FBXO11: variants seen among roughly 807,000 people sequenced by gnomAD.
The protein encoded by FBXO11 is F-box only protein 11.
In FBXO11, 13 loss-of-function variants were observed where a neutral mutation model predicts 117.0. That is an observed-to-expected ratio of 0.11 (90% CI 0.07 to 0.18). The LOEUF (loss-of-function observed/expected upper bound fraction) is 0.18. Ranked by LOEUF, FBXO11 falls within the 10% of genes least tolerant of loss-of-function variation. The pLI is 1.00. For synonymous variants in FBXO11, 490 were observed against 380.5 expected, an observed-to-expected ratio of 1.29 and a Z score of -3.35; for missense variants, 767 against 1,164.4, an observed-to-expected ratio of 0.66 and a Z score of 4.97.
intron 1 of FBXO11, chr2:47,883,762 C>A: frequency 3.8e-6 from 1 of 260,784 alleles, no homozygotes; most frequent in East Asian, 1.0e-4. Flanking sequence ...CCTTAAATAC[C>A]ATAAGGTGTA....
intron 1 of FBXO11, among the ~76,000 whole-genome samples, chr2:47,882,569 C>A (rs1237228937): frequency 6.6e-6 from 1 of 152,146 alleles, no homozygotes; most frequent in Non-Finnish European, 1.5e-5. Context: ...ATCTTTATTT[C>A]CATTTTTTAA....
At position 47,832,954 on chromosome 2, in the gene FBXO11, CAT is replaced by C; in HGVS notation, c.1041+8_1041+9del. The C allele has an allele frequency of 6.2e-7, 1 of 1,605,682 alleles. No homozygotes were observed. The highest frequency in any genetic ancestry group is 8.5e-7 in the Non-Finnish European group (1 of 1,172,466). On this transcript the variant is annotated splice_region_variant and intron_variant, in intron 8 of 22. Coordinates refer to ENST00000403359, the MANE Select transcript of FBXO11 (RefSeq NM_001190274.2). ...TTTCAATGTGTATTTTAAATCTTAA[CAT>C]GTCTTACCCTTATTGTCATATATCC...
intron 1 of FBXO11, among the ~76,000 whole-genome samples, chr2:47,881,801 A>G (rs562687787): frequency 3.4e-4 from 51 of 152,126 alleles, no homozygotes; most frequent in African/African-American, 9.9e-4. Flanking sequence ...GCTGGAGTGC[A>G]GTGGCATGCA....
At chr2:47,900,703 C>T (rs1457519709) in intron 1 of FBXO11, among the ~76,000 whole-genome samples, 1 of 104,192 alleles carries the variant, frequency 9.6e-6, no homozygotes, top group Non-Finnish European at 2.1e-5. Context: ...TATACACACA[C>T]GTGTATATAT....
intron 1 of FBXO11, among the ~76,000 whole-genome samples, chr2:47,847,403 G>C (rs1673499578): frequency 6.6e-6 from 1 of 151,944 alleles, no homozygotes; most frequent in Admixed American, 6.6e-5. Flanking sequence ...AAAGTAAAAA[G>C]GTACAGTAAA....
Position 47,834,848 on chromosome 2 carries a change from T to A in FBXO11, c.741A>T (p.Pro247=), listed in dbSNP as rs1257832854. Residue 247 remains proline, a synonymous_variant, in exon 6 of 23, where the codon CCA becomes CCT. Transcript: ENST00000403359. ...TACTGTAGAAATGTTCAGCAAATCC[T>A]GGCTTTACATGTGCACCTTTATACT... ...QQLYKGAHVK[P]GFAEHFYSNP... 6.2e-7 allele frequency: 1 copy of A among 1,613,598 alleles called. No homozygotes were observed. Among genetic ancestry groups the A allele is most frequent in the Non-Finnish European group, 8.5e-7 (1 of 1,179,752 alleles).
intron 1 of FBXO11, among the ~76,000 whole-genome samples, chr2:47,878,494 T>G (rs944432501): frequency 6.6e-6 from 1 of 151,818 alleles, no homozygotes; most frequent in Non-Finnish European, 1.5e-5. Context: ...GTAGCTGGGA[T>G]TACAGGTGCC....
intron 11 of FBXO11, among the ~76,000 whole-genome samples, chr2:47,829,799 T>C (rs1672046586): frequency 6.7e-6 from 1 of 149,746 alleles, no homozygotes; most frequent in Admixed American, 6.6e-5. Context: ...TAATCCAGAG[T>C]GTAAAAAAGG....
intron 1 of FBXO11, among the ~76,000 whole-genome samples, chr2:47,880,946 A>G (rs529085466): frequency 6.1e-5 from 9 of 148,324 alleles, no homozygotes; most frequent in African/African-American, 2.2e-4. Flanking sequence ...AAGCATATTA[A>G]TATCTTTTTT....
At chr2:47,895,719 A>T (rs1188465921) in intron 1 of FBXO11, among the ~76,000 whole-genome samples, 2 of 152,138 alleles carry the variant, frequency 1.3e-5, no homozygotes, top group East Asian at 3.9e-4. Flanking sequence ...TTGAGACAGA[A>T]TTTCACTCTT....
At position 47,808,645 on chromosome 2, in the gene FBXO11, T is replaced by C. The variant is rs948675260; in HGVS notation, c.2556-218A>G. The C allele has an allele frequency of 6.5e-6, 3 of 460,288 alleles. No homozygotes were observed. The East Asian group carries it at 1.0e-4, about 15-fold the overall frequency. 28.5% of individuals were successfully genotyped at this position (460,288 alleles called of 1,614,324 possible). On this transcript the variant is annotated intron_variant, in intron 21 of 22. Transcript: ENST00000403359. ...GGGAAGAGAAATGATTTGTAAATTG[T>C]ATAAAGGCAGTTCTTTCCACTTTAA...
intron 11 of FBXO11, 79 bp downstream of exon 11, chr2:47,832,270 T>G: frequency 8.1e-7 from 1 of 1,237,308 alleles, no homozygotes. Flanking sequence ...AATTTGGTGA[T>G]GAGAAAATAA....
At chr2:47,904,474 G>A (rs1376804238) in intron 1 of FBXO11, among the ~76,000 whole-genome samples, 1 of 152,156 alleles carries the variant, frequency 6.6e-6, no homozygotes, top group Non-Finnish European at 1.5e-5. Context: ...ACCTCGGGGA[G>A]CCTCAGCCCT....
At chr2:47,854,358 A>G (rs1356800556) in intron 1 of FBXO11, among the ~76,000 whole-genome samples, 1 of 151,518 alleles carries the variant, frequency 6.6e-6, no homozygotes, top group South Asian at 2.1e-4. Flanking sequence ...TTTACTGTTC[A>G]GTCAAATCTC....
chr2:47,866,554 A>G (rs978565071), intron 1 of FBXO11, among the ~76,000 whole-genome samples: 1 of 151,698 alleles, frequency 6.6e-6, no homozygotes, highest in African/African-American at 2.4e-5. Context: ...GCTCACTGCA[A>G]ACTCCGCCTC....
At chr2:47,845,718 G>C (rs1382655344) in intron 1 of FBXO11, among the ~76,000 whole-genome samples, 1 of 151,998 alleles carries the variant, frequency 6.6e-6, no homozygotes, top group Non-Finnish European at 1.5e-5. Context: ...CTGAGGGCGA[G>C]GCAGGGTAAC....
rs111483966 is a variant in FBXO11, at chr2:47,900,645, T to C, written c.232+4844A>G. Among the ~76,000 whole-genome samples, 1,010 of 78,162 alleles carry C rather than the reference T, an allele frequency of 0.013. 133 individuals are homozygous for C. The East Asian group carries it at 0.18, about 14-fold the overall frequency. 51.3% of individuals were successfully genotyped at this position (78,162 alleles called of 152,430 possible). On this transcript the variant is annotated intron_variant, in intron 1 of 22. Transcript: ENST00000403359. The stretch of plus-strand genomic sequence containing the variant: ...ACACGTATACACACACGTACGTATA[T>C]ACACACGTATACACACACGTACGTA...
chr2:47,866,245 CAAAAAA>C (rs57654823), intron 1 of FBXO11, among the ~76,000 whole-genome samples: 1 of 58,446 alleles, frequency 1.7e-5, no homozygotes, highest in East Asian at 4.5e-4. Context: ...CCTTCTGCTT[CAAAAAA>C]AAAAAAAAAA....
chr2:47,844,173 A>T (rs1002292347), intron 1 of FBXO11, among the ~76,000 whole-genome samples: 1 of 152,258 alleles, frequency 6.6e-6, no homozygotes, highest in African/African-American at 2.4e-5. Flanking sequence ...CTAAAAGTTA[A>T]TTTTTTCCAA....
Sources: gnomAD v4.1 joint callset for allele counts (sites outside exome capture counted in the v4.1 genomes callset) on GRCh38, gnomAD v4.1.1 for gene constraint, MANE v1.5 for transcripts, NCBI Gene and HGNC (gene_info 2026-07-23, HGNC 2026-07-21) for gene names.